Variants in LRRC4C observed in about 807,000 individuals in gnomAD.
LRRC4C encodes leucine-rich repeat-containing protein 4C.
In LRRC4C, 5 loss-of-function variants were observed where a neutral mutation model predicts 33.6. The observed-to-expected ratio is 0.15, with a 90% CI of 0.08 to 0.31. The LOEUF (loss-of-function observed/expected upper bound fraction) is 0.31. LRRC4C is among the 10% of genes least tolerant of loss of function. The probability of loss-of-function intolerance (pLI) is 1.00; values close to 1 mark genes in which losing one functional copy is unlikely to be tolerated. For synonymous variants in LRRC4C, 329 were observed against 302.0 expected (o/e 1.09, Z -0.93); for missense variants, 560 against 796.7 (o/e 0.70, Z 3.58).
At chr11:41,120,649 T>C (rs368831021) in intron 1 of LRRC4C, among the ~76,000 whole-genome samples, 3 of 152,174 alleles carry the variant, frequency 2.0e-5, no homozygotes, top group Non-Finnish European at 2.9e-5. Flanking sequence ...CTCAATGAGT[T>C]CTTGTAGCCA....
chr11:40,748,605 CA>C (rs1177068271), intron 2 of LRRC4C, among the ~76,000 whole-genome samples: 1 of 151,932 alleles, frequency 6.6e-6, no homozygotes, highest in Non-Finnish European at 1.5e-5. Context: ...AACCAAAAAA[CA>C]ATTGACAATA....
chr11:41,104,190 T>C (rs560828939), intron 1 of LRRC4C, among the ~76,000 whole-genome samples: 19 of 151,952 alleles, frequency 1.3e-4, no homozygotes, highest in African/African-American at 4.1e-4. Flanking sequence ...AGAAAATATA[T>C]ACAAACTTAT....
chr11:40,868,520 A>C (rs911254522), intron 2 of LRRC4C, among the ~76,000 whole-genome samples: 1 of 152,054 alleles, frequency 6.6e-6, no homozygotes, highest in African/African-American at 2.4e-5. Context: ...ACTTTGGAAG[A>C]TTTATCTCTA....
chr11:40,251,415 C>T (rs1373880042), intron 4 of LRRC4C, among the ~76,000 whole-genome samples: 2 of 152,038 alleles, frequency 1.3e-5, no homozygotes, highest in African/African-American at 2.4e-5. Context: ...CACAGAAGTT[C>T]CTTTTGTGCC....
intron 3 of LRRC4C, among the ~76,000 whole-genome samples, chr11:40,485,986 C>T (rs1250869665): frequency 6.6e-6 from 1 of 151,518 alleles, no homozygotes; most frequent in African/African-American, 2.4e-5. Context: ...CACACCGAGG[C>T]CTATGGGAAG....
At chr11:41,072,803 C>A (rs1193233194) in intron 1 of LRRC4C, among the ~76,000 whole-genome samples, 1 of 152,162 alleles carries the variant, frequency 6.6e-6, no homozygotes, top group Non-Finnish European at 1.5e-5. Flanking sequence ...CTCAATTTTT[C>A]TTTATATCCC....
At chr11:40,896,952 T>A (rs1409062158) in intron 2 of LRRC4C, among the ~76,000 whole-genome samples, 1 of 152,112 alleles carries the variant, frequency 6.6e-6, no homozygotes, top group Non-Finnish European at 1.5e-5. Context: ...AAAGCAAATA[T>A]CTAAAGTACT....
intron 1 of LRRC4C, among the ~76,000 whole-genome samples, chr11:41,073,507 G>A (rs1409216725): frequency 6.6e-6 from 1 of 152,042 alleles, no homozygotes; most frequent in Admixed American, 6.6e-5. Context: ...GATTTGGTGG[G>A]GACAAACAAA....
At chr11:41,019,727 A>G (rs1397014701) in intron 1 of LRRC4C, among the ~76,000 whole-genome samples, 1 of 152,066 alleles carries the variant, frequency 6.6e-6, no homozygotes, top group Non-Finnish European at 1.5e-5. Flanking sequence ...CTGGTATGAG[A>G]TGGTATCTCA....
intron 2 of LRRC4C, among the ~76,000 whole-genome samples, chr11:40,697,022 A>C (rs1945598327): frequency 6.6e-6 from 1 of 152,072 alleles, no homozygotes; most frequent in Admixed American, 6.6e-5. Flanking sequence ...TATTGAAAGA[A>C]GCACTAAGTA....
chr11:40,557,689 T>C (rs1189516684), intron 3 of LRRC4C, among the ~76,000 whole-genome samples: 1 of 152,024 alleles, frequency 6.6e-6, no homozygotes, highest in East Asian at 1.9e-4. Flanking sequence ...CGTGTGTGTG[T>C]GTGTGTGTGT....
chr11:40,417,924 A>G (rs1950386697), intron 3 of LRRC4C, among the ~76,000 whole-genome samples: 1 of 152,192 alleles, frequency 6.6e-6, no homozygotes, highest in South Asian at 2.1e-4. Context: ...CGCAGAGCCA[A>G]TGTTGTTGTA....
chr11:40,132,601 T>C (rs549077216), intron 6 of LRRC4C, among the ~76,000 whole-genome samples: 1 of 152,340 alleles, frequency 6.6e-6, no homozygotes, highest in East Asian at 1.9e-4. Context: ...GATGTTTATC[T>C]CTTAGGGTGT....
At chr11:41,445,866 A>ATGTGTGTGTGTGTGTGTGTGTG (rs35999139) in intron 1 of LRRC4C, among the ~76,000 whole-genome samples, 14 of 149,842 alleles carry the variant, frequency 9.3e-5, no homozygotes, top group African/African-American at 3.2e-4. Context: ...GAGTGACTGC[A>ATGTGTGTGTGTGTGTGTGTGTG]TGTGTGTGTG....
chr11:40,611,053 A>G (rs1488046349), intron 3 of LRRC4C, among the ~76,000 whole-genome samples: 1 of 151,918 alleles, frequency 6.6e-6, no homozygotes, highest in African/African-American at 2.4e-5. Context: ...ACCACAAAGG[A>G]TCCCAAATAG....
At chr11:41,377,666 T>C (rs982400380) in intron 1 of LRRC4C, among the ~76,000 whole-genome samples, 1 of 152,254 alleles carries the variant, frequency 6.6e-6, no homozygotes, top group South Asian at 2.1e-4. Flanking sequence ...ACATAGATGA[T>C]CCTTCAAATA....
At chr11:40,540,122 T>C (rs1296788660) in intron 3 of LRRC4C, among the ~76,000 whole-genome samples, 1 of 152,194 alleles carries the variant, frequency 6.6e-6, no homozygotes. Flanking sequence ...GTAGATAGAA[T>C]GGAAAATGCT....
At chr11:40,254,826 A>G (rs1051287998) in intron 4 of LRRC4C, among the ~76,000 whole-genome samples, 5 of 152,066 alleles carry the variant, frequency 3.3e-5, no homozygotes, top group Non-Finnish European at 7.4e-5. Context: ...TCTGTCTTTT[A>G]GGGACAGGAT....
chr11:40,676,815 A>G (rs1944428636), intron 2 of LRRC4C, among the ~76,000 whole-genome samples: 1 of 152,220 alleles, frequency 6.6e-6, no homozygotes, highest in Non-Finnish European at 1.5e-5. Flanking sequence ...GAATTAAGTT[A>G]CCAAAATAAT....
Sources: gnomAD v4.1 joint callset for allele counts (sites outside exome capture counted in the v4.1 genomes callset) on GRCh38, gnomAD v4.1.1 for gene constraint, MANE v1.5 for transcripts, NCBI Gene and HGNC (gene_info 2026-07-23, HGNC 2026-07-21) for gene names.